Variants in SNX29 observed in about 807,000 individuals in gnomAD.
The protein encoded by SNX29 is sorting nexin 29, also known as sorting nexin-29.
A neutral mutation model predicts 102.1 loss-of-function variants in SNX29; 78 were observed. The observed-to-expected ratio is 0.76, with a 90% CI of 0.64 to 0.92. The LOEUF is 0.92. Among genes scored for constraint, SNX29 ranks in the 40% least tolerant of loss-of-function variants. The pLI, the probability that SNX29 is intolerant of heterozygous loss-of-function variation, is 0.00. For missense variants in SNX29, 1,280 were observed against 1,061.7 expected (o/e 1.21, Z -2.86); for synonymous variants, 580 against 414.5 (o/e 1.40, Z -4.85).
chr16:12,572,842 G>A lies in SNX29; in HGVS notation c.*4213G>A. On this transcript the variant is annotated 3_prime_UTR_variant, in exon 21 of 21. Coordinates refer to ENST00000566228, the MANE Select transcript of SNX29 (RefSeq NM_032167.5). Reference sequence around the variant, plus strand: ...GGCATCCCAGAAGGGGCAGCCTCATGCCCAGGTTTCAGCCCTAAAGGTAAT... The same window carrying A: ...GGCATCCCAGAAGGGGCAGCCTCATACCCAGGTTTCAGCCCTAAAGGTAAT... 3 of 1,063,864 alleles carry A rather than the reference G, an allele frequency of 2.8e-6. No homozygotes were observed. Among genetic ancestry groups the A allele is most frequent in the Non-Finnish European group, 3.4e-6 (3 of 878,336 alleles). The allele number at this position is 1,063,864 out of a possible 1,614,324, so 65.9% of individuals were successfully genotyped here.
intron 11 of SNX29, among the ~76,000 whole-genome samples, chr16:12,108,767 C>A (rs2053374713): frequency 6.6e-6 from 1 of 152,168 alleles, no homozygotes; most frequent in African/African-American, 2.4e-5. Flanking sequence ...TCCATCCATA[C>A]ACACGAAGCT....
chr16:12,334,410 G>A (rs932554557), intron 15 of SNX29, among the ~76,000 whole-genome samples: 6 of 152,046 alleles, frequency 3.9e-5, no homozygotes, highest in African/African-American at 1.4e-4. Flanking sequence ...AATCATCCCC[G>A]GGTGCATTCG....
chr16:12,176,964 C>G (rs1193831891), intron 13 of SNX29, among the ~76,000 whole-genome samples: 2 of 151,606 alleles, frequency 1.3e-5, no homozygotes, highest in Non-Finnish European at 1.5e-5. Flanking sequence ...TTTTTGTTTT[C>G]TGTGATGGAG....
intron 20 of SNX29, among the ~76,000 whole-genome samples, chr16:12,552,187 C>T (rs187146275): frequency 1.5e-4 from 23 of 152,302 alleles, no homozygotes; most frequent in South Asian, 2.1e-4. Flanking sequence ...AGGGAAACAA[C>T]GGCAGATAAG....
In SNX29 at chr16:12,428,873, C is replaced by T. The variant is rs188399729; in HGVS notation, c.2037+25344C>T. Among the ~76,000 whole-genome samples, 93 of 152,254 alleles carry T rather than the reference C, an allele frequency of 6.1e-4. No individual in the cohort carries two copies. The East Asian group carries it at 7.9e-3, about 13-fold the overall frequency. ...TAATATTTCCTTCTAGTTAGTCTCACCACACAGATACGATTGCAATTAATA... is the reference window on the plus strand; with the variant it reads ...TAATATTTCCTTCTAGTTAGTCTCATCACACAGATACGATTGCAATTAATA... On this transcript the variant is annotated intron_variant, in intron 18 of 20. Coordinates refer to ENST00000566228, the MANE Select transcript of SNX29 (RefSeq NM_032167.5).
intron 19 of SNX29, among the ~76,000 whole-genome samples, chr16:12,488,380 G>A (rs139369750): frequency 6.6e-6 from 1 of 151,966 alleles, no homozygotes; most frequent in Admixed American, 6.6e-5. Flanking sequence ...CCTTCCCTGG[G>A]TTCATTTCTC....
chr16:12,003,006 G>C lies in SNX29; in HGVS notation c.85G>C (p.Gly29Arg). 6.2e-7 allele frequency: 1 copy of C among 1,614,212 alleles called. No individual in the cohort carries two copies. ...DAVKQCQIRFGGRKEIASDSD... is the reference protein window; with the variant it reads ...DAVKQCQIRFRGRKEIASDSD... ...TTCTGTGCAGTGCCAGATCCGCTTTGGAGGGAGAAAGGAGATTGCCTCGGA... is the reference window on the plus strand; with the variant it reads ...TTCTGTGCAGTGCCAGATCCGCTTTCGAGGGAGAAAGGAGATTGCCTCGGA... Residue 29 changes from glycine (G) to arginine (R), a missense_variant, in exon 3 of 21, where the codon GGA (glycine) becomes CGA (arginine). Transcript: ENST00000566228.
intron 14 of SNX29, among the ~76,000 whole-genome samples, chr16:12,200,785 C>T (rs1018087181): frequency 6.6e-6 from 1 of 152,114 alleles, no homozygotes; most frequent in Non-Finnish European, 1.5e-5. Flanking sequence ...GCTCCCAGCC[C>T]ACATGTCTTC....
intron 19 of SNX29, among the ~76,000 whole-genome samples, chr16:12,508,547 T>C (rs540859713): frequency 6.6e-6 from 1 of 152,362 alleles, no homozygotes; most frequent in South Asian, 2.1e-4. Flanking sequence ...TCTTGCCTAA[T>C]GATCTGGATT....
In SNX29 at chr16:12,445,324, G is replaced by A. The variant is rs142320818; in HGVS notation, c.2038-32395G>A. On this transcript the variant is annotated intron_variant, in intron 18 of 20. Coordinates refer to ENST00000566228, the MANE Select transcript of SNX29 (RefSeq NM_032167.5). Reference sequence around the variant, plus strand: ...TATCATCTGGCTGGCTGCAGAAGACGTTTGCTGAGGCCTTATCGAGATGCC... The same window carrying A: ...TATCATCTGGCTGGCTGCAGAAGACATTTGCTGAGGCCTTATCGAGATGCC... 2.7e-3 allele frequency among the ~76,000 whole-genome samples: 413 copies of A among 152,270 alleles called. 1 individual carries two copies. Among genetic ancestry groups the A allele is most frequent in the African/African-American group, 9.1e-3 (379 of 41,560 alleles).
At chr16:12,047,228 G>C (rs1041339637) in intron 6 of SNX29, among the ~76,000 whole-genome samples, 1 of 152,198 alleles carries the variant, frequency 6.6e-6, no homozygotes, top group Non-Finnish European at 1.5e-5. Flanking sequence ...AGAGACCCTG[G>C]GTTGATGTTA....
At chr16:12,166,585 C>G (rs920796344) in intron 13 of SNX29, among the ~76,000 whole-genome samples, 3 of 152,152 alleles carry the variant, frequency 2.0e-5, no homozygotes, top group Non-Finnish European at 2.9e-5. Flanking sequence ...CATTTCCTTA[C>G]CAGAGCCTTT....
At chr16:12,490,895 A>G (rs1490538271) in intron 19 of SNX29, among the ~76,000 whole-genome samples, 1 of 152,250 alleles carries the variant, frequency 6.6e-6, no homozygotes, top group Non-Finnish European at 1.5e-5. Context: ...AAATACAGCT[A>G]AACCCTCTTT....
intron 18 of SNX29, among the ~76,000 whole-genome samples, chr16:12,436,746 C>T (rs978581389): frequency 2.6e-5 from 4 of 152,216 alleles, no homozygotes; most frequent in Non-Finnish European, 4.4e-5. Context: ...CTCCGCCTCC[C>T]GGGTTCAAGC....
chr16:12,530,426 C>T (rs527576173), intron 20 of SNX29, among the ~76,000 whole-genome samples: 10 of 152,252 alleles, frequency 6.6e-5, no homozygotes, highest in South Asian at 2.1e-4. Flanking sequence ...GTAAACAGCA[C>T]CCACCCCATG....
intron 20 of SNX29, among the ~76,000 whole-genome samples, chr16:12,541,055 A>C (rs1159581847): frequency 6.6e-6 from 1 of 152,278 alleles, no homozygotes; most frequent in Non-Finnish European, 1.5e-5. Context: ...GCTGCTATTT[A>C]GTTTCCTGAG....
chr16:12,233,410 G>A (rs1296139074), intron 14 of SNX29, among the ~76,000 whole-genome samples: 4 of 152,042 alleles, frequency 2.6e-5, no homozygotes, highest in Admixed American at 6.6e-5. Context: ...ACAGGAAGAT[G>A]CTAACAATAG....
intron 10 of SNX29, among the ~76,000 whole-genome samples, chr16:12,075,997 G>C (rs930887892): frequency 5.3e-4 from 80 of 152,326 alleles, no homozygotes; most frequent in Middle Eastern, 3.4e-3. Flanking sequence ...CTCCTCACGC[G>C]CTGTTTCCTA....
chr16:12,202,744 C>T (rs1040160041), intron 14 of SNX29, among the ~76,000 whole-genome samples: 1 of 152,250 alleles, frequency 6.6e-6, no homozygotes, highest in Non-Finnish European at 1.5e-5. Context: ...TCTGAAAACT[C>T]ATGCTTTCAT....
Sources: gnomAD v4.1 joint callset for allele counts (sites outside exome capture counted in the v4.1 genomes callset) on GRCh38, gnomAD v4.1.1 for gene constraint, MANE v1.5 for transcripts, NCBI Gene and HGNC (gene_info 2026-07-23, HGNC 2026-07-21) for gene names.